The following ZNF525 variants were observed in gnomAD, a reference collection of about 807,000 sequenced individuals.
The protein encoded by ZNF525 is zinc finger protein 525.
ZNF525 carries 33 observed loss-of-function variants against 37.6 expected under a neutral mutation model. The ratio of observed to expected loss-of-function variants is 0.88; its 90% CI spans 0.67 to 1.17. The LOEUF (loss-of-function observed/expected upper bound fraction) is 1.17, where lower values mean the gene tolerates loss of function less well. Among genes scored for constraint, ZNF525 ranks in the 50% most tolerant of loss-of-function variants. The probability of loss-of-function intolerance (pLI) is 0.00; values close to 1 mark genes in which losing one functional copy is unlikely to be tolerated. For missense variants in ZNF525, 449 were observed against 543.1 expected (o/e 0.83, Z 1.72); for synonymous variants, 170 against 182.3 (o/e 0.93, Z 0.54).
intron 3 of ZNF525, among the ~76,000 whole-genome samples, 170 bp from the exon 4 acceptor site, chr19:53,380,552 G>T (rs1325896003): frequency 1.3e-5 from 2 of 152,108 alleles, no homozygotes; most frequent in Non-Finnish European, 2.9e-5. Flanking sequence ...TCAGTGTTTT[G>T]TCATGATATT....
At position 53,381,718 on chromosome 19, in the gene ZNF525, A is replaced by C. The variant is rs1178505987; in HGVS notation, c.1139A>C (p.Glu380Ala). 9.2e-7 allele frequency: 1 copy of C among 1,083,894 alleles called. No homozygotes were observed. The highest frequency in any genetic ancestry group is 1.5e-5 in the African/African-American group (1 of 65,162). The allele number at this position is 1,083,894 out of a possible 1,614,324, so 67.1% of individuals were successfully genotyped here. A position where few individuals can be genotyped will look rare whatever the true frequency, so the allele number is the denominator to read the frequency against. The change falls in exon 4 of 4, where the codon GAG becomes GCG. Residue 380 changes from glutamate (E) to alanine (A), a missense_variant. Around this residue, in one of 2 missense-constraint regions of ZNF525, gnomAD observed 178 missense variants for 161.5 expected, o/e 1.10. Coordinates refer to ENST00000474037, the MANE Select transcript of ZNF525 (RefSeq NM_001348156.2). ...AGTCATAGGATAACTCATACTGGAG[A>C]GAAACCATACAAGTGTAATGATTGT... is the stretch of plus-strand genomic sequence containing the variant. ...LESHRITHTGEKPYKCNDCGK... is the reference protein window; with the variant it reads ...LESHRITHTGAKPYKCNDCGK...
In ZNF525 at chr19:53,382,675, C is replaced by T; in HGVS notation, c.*656C>T. ...AATGTAATGATTGTCACCACGTCTT[C>T]AGTAATGCTACAACTATTGCAAATC... On this transcript the variant is annotated 3_prime_UTR_variant, in exon 4 of 4. Transcript: ENST00000474037. 1.4e-6 allele frequency: 1 copy of T among 731,318 alleles called. No homozygotes were observed. Among genetic ancestry groups the T allele is most frequent in the South Asian group, 1.4e-5 (1 of 72,708 alleles). The allele number at this position is 731,318 out of a possible 1,614,324, so 45.3% of individuals were successfully genotyped here. A position where few individuals can be genotyped will look rare whatever the true frequency, so the allele number is the denominator to read the frequency against.
At chr19:53,375,951 TTC>T (rs2147069106) in intron 3 of ZNF525, 55 bp downstream of exon 3, 13 of 1,611,270 alleles carry the variant, frequency 8.1e-6, no homozygotes, top group East Asian at 6.7e-5. Flanking sequence ...TCTTTGTATT[TTC>T]TCTTTTTTTA....
chr19:53,385,036 G>T lies in ZNF525; in HGVS notation c.*3017G>T. ...TTTCTCCATCTACTAAGGTGATGTG[G>T]TTTTAATCTTTCATTCTGTTCTAGT... On this transcript the variant is annotated 3_prime_UTR_variant, in exon 4 of 4. Coordinates refer to ENST00000474037, the MANE Select transcript of ZNF525 (RefSeq NM_001348156.2). 1.4e-6 allele frequency: 1 copy of T among 698,156 alleles called. No individual in the cohort carries two copies. The highest frequency in any genetic ancestry group is 2.6e-6 in the Non-Finnish European group (1 of 383,526). 43.2% of individuals were successfully genotyped at this position (698,156 alleles called of 1,614,324 possible).
In ZNF525 at chr19:53,382,798, T is replaced by C. The variant is rs1327873008; in HGVS notation, c.*779T>C. The C allele has an allele frequency of 8.6e-7, 1 of 1,164,620 alleles. No homozygotes were observed. Among genetic ancestry groups the C allele is most frequent in the African/African-American group, 1.5e-5 (1 of 65,568 alleles). 72.1% of individuals were successfully genotyped at this position (1,164,620 alleles called of 1,614,324 possible). A position where few individuals can be genotyped will look rare whatever the true frequency, so the allele number is the denominator to read the frequency against. ...ACCTTGCAGTTCACGGGCGAACTCA[T>C]GCTGGAGAGAAACCTTACAAATGTG... On this transcript the variant is annotated 3_prime_UTR_variant, in exon 4 of 4. Transcript: ENST00000474037.
Position 53,383,574 on chromosome 19 carries a change from A to T in ZNF525, c.*1555A>T. The T allele has an allele frequency of 6.9e-7, 1 of 1,452,576 alleles. No homozygotes were observed. The highest frequency in any genetic ancestry group is 9.3e-7 in the Non-Finnish European group (1 of 1,073,736). The allele number at this position is 1,452,576 out of a possible 1,614,324, so 90.0% of individuals were successfully genotyped here. On this transcript the variant is annotated 3_prime_UTR_variant, in exon 4 of 4. Coordinates refer to ENST00000474037, the MANE Select transcript of ZNF525 (RefSeq NM_001348156.2). ...ACTGGAGAGAAACCTTACAAGTGTA[A>T]TGAGTGTGTCAAAGCCTTTAGTGGG...
chr19:53,386,242 CAGA>C lies in ZNF525; in HGVS notation c.*4227_*4229del. 1 of 654,352 alleles carries C rather than the reference CAGA, an allele frequency of 1.5e-6. No homozygotes were observed. The highest frequency in any genetic ancestry group is 1.8e-5 in the Admixed American group (1 of 55,344). The allele number at this position is 654,352 out of a possible 1,614,324, so 40.5% of individuals were successfully genotyped here. ...GACTCTGCTTCTTGCCACATCTTCT[CAGA>C]AGACTTTCAGGATTAAGCGATTCCT... On this transcript the variant is annotated 3_prime_UTR_variant, in exon 4 of 4. Coordinates refer to ENST00000474037, the MANE Select transcript of ZNF525 (RefSeq NM_001348156.2).
Position 53,380,707 on chromosome 19 carries a change from G to A in ZNF525, c.143-15G>A, listed in dbSNP as rs2085552889. Reference sequence around the variant, plus strand: ...TATTGTCTTTTGTGTACCTATTAGTGTTTATATTTTGTAGGTATCTCTTCC... The same window carrying A: ...TATTGTCTTTTGTGTACCTATTAGTATTTATATTTTGTAGGTATCTCTTCC... On this transcript the variant is annotated splice_polypyrimidine_tract_variant and intron_variant, in intron 3 of 3. Coordinates refer to ENST00000474037, the MANE Select transcript of ZNF525 (RefSeq NM_001348156.2). The A allele has an allele frequency of 1.8e-6, 2 of 1,089,752 alleles. No individual in the cohort carries two copies. Among genetic ancestry groups the A allele is most frequent in the African/African-American group, 1.6e-5 (1 of 64,328 alleles). The allele number at this position is 1,089,752 out of a possible 1,614,324, so 67.5% of individuals were successfully genotyped here.
chr19:53,372,407 A>T lies in ZNF525; in HGVS notation c.15+111A>T, dbSNP rs184139637. ...CTTCCTGCCTGACAGGTTTGCTCAC[A>T]TTCACCCATGCCTTCCCTCAGTCCC... On this transcript the variant is annotated intron_variant, in intron 2 of 3. Transcript: ENST00000474037. The T allele has an allele frequency of 5.4e-6, 4 of 742,124 alleles. No homozygotes were observed. The East Asian group carries it at 9.8e-5, about 18-fold the overall frequency. The allele number at this position is 742,124 out of a possible 1,614,324, so 46.0% of individuals were successfully genotyped here. A position where few individuals can be genotyped will look rare whatever the true frequency, so the allele number is the denominator to read the frequency against.
intron 1 of ZNF525, among the ~76,000 whole-genome samples, chr19:53,370,264 C>T (rs1306987816): frequency 1.3e-5 from 2 of 150,710 alleles, no homozygotes; most frequent in African/African-American, 4.9e-5. Context: ...ACTAAAAATA[C>T]AAAAAATTAG....
intron 3 of ZNF525, among the ~76,000 whole-genome samples, chr19:53,379,012 T>C (rs1393629597): frequency 6.6e-6 from 1 of 152,204 alleles, no homozygotes; most frequent in East Asian, 1.9e-4. Context: ...GTGAACTAGA[T>C]ACATAGGGCA....
At chr19:53,379,017 AG>A (rs1324847377) in intron 3 of ZNF525, among the ~76,000 whole-genome samples, 1 of 152,222 alleles carries the variant, frequency 6.6e-6, no homozygotes, top group Non-Finnish European at 1.5e-5. Context: ...CTAGATACAT[AG>A]GGCAATGTAT....
At position 53,385,269 on chromosome 19, in the gene ZNF525, C is replaced by T; in HGVS notation, c.*3250C>T. On this transcript the variant is annotated 3_prime_UTR_variant, in exon 4 of 4. Coordinates refer to ENST00000474037, the MANE Select transcript of ZNF525 (RefSeq NM_001348156.2). ...TGCACCAAAATAAACTAGTGCTAGT[C>T]TGTTATAACATGTCTGAACAGGCTC... The T allele has an allele frequency of 2.5e-6, 1 of 407,008 alleles. No homozygotes were observed. Among genetic ancestry groups the T allele is most frequent in the Non-Finnish European group, 4.4e-6 (1 of 227,106 alleles). 25.2% of individuals were successfully genotyped at this position (407,008 alleles called of 1,614,324 possible). A position where few individuals can be genotyped will look rare whatever the true frequency, so the allele number is the denominator to read the frequency against.
chr19:53,370,544 A>G (rs1323072356), intron 1 of ZNF525, among the ~76,000 whole-genome samples: 1 of 152,154 alleles, frequency 6.6e-6, no homozygotes, highest in Admixed American at 6.5e-5. Flanking sequence ...GGGCTAGACC[A>G]GAAAAGCTCA....
In ZNF525 at chr19:53,385,221, T is replaced by C; in HGVS notation, c.*3202T>C. ...TGGAAAAATACATATTATGAGAAAA[T>C]TGTGCATGAATTTCACAATTTTTGC... On this transcript the variant is annotated 3_prime_UTR_variant, in exon 4 of 4. Transcript: ENST00000474037. 2.1e-6 allele frequency: 1 copy of C among 474,332 alleles called. No homozygotes were observed. The highest frequency in any genetic ancestry group is 3.0e-5 in the South Asian group (1 of 32,908). The allele number at this position is 474,332 out of a possible 1,614,324, so 29.4% of individuals were successfully genotyped here.
At position 53,382,468 on chromosome 19, in the gene ZNF525, C is replaced by T. The variant is rs956167843; in HGVS notation, c.*449C>T. On this transcript the variant is annotated 3_prime_UTR_variant, in exon 4 of 4. Coordinates refer to ENST00000474037, the MANE Select transcript of ZNF525 (RefSeq NM_001348156.2). ...CTTACACGCCATCATAGACTTCATA[C>T]TGGAAATAAATCTTATAAGTGTAAT... The T allele has an allele frequency of 4.8e-5, 35 of 733,444 alleles. 2 individuals carry two copies. Among genetic ancestry groups the T allele is most frequent in the Middle Eastern group, 4.9e-4 (2 of 4,046 alleles). 45.4% of individuals were successfully genotyped at this position (733,444 alleles called of 1,614,324 possible). A position where few individuals can be genotyped will look rare whatever the true frequency, so the allele number is the denominator to read the frequency against.
At chr19:53,366,798 A>T (rs79829149) in intron 1 of ZNF525, among the ~76,000 whole-genome samples, 13 of 139,560 alleles carry the variant, frequency 9.3e-5, no homozygotes, top group African/African-American at 2.3e-4. Context: ...GAGTGGGGAC[A>T]GGGGGTATAA....
In ZNF525 at chr19:53,382,695, C is replaced by G. The variant is rs953768233; in HGVS notation, c.*676C>G. On this transcript the variant is annotated 3_prime_UTR_variant, in exon 4 of 4. Coordinates refer to ENST00000474037, the MANE Select transcript of ZNF525 (RefSeq NM_001348156.2). Reference sequence around the variant, plus strand: ...GTCTTCAGTAATGCTACAACTATTGCAAATCATTGGAGAATCCATAATAAA... The same window carrying G: ...GTCTTCAGTAATGCTACAACTATTGGAAATCATTGGAGAATCCATAATAAA... 19 of 746,634 alleles carry G rather than the reference C, an allele frequency of 2.5e-5. No homozygotes were observed. The highest frequency in any genetic ancestry group is 4.4e-5 in the Non-Finnish European group (18 of 411,370). 46.3% of individuals were successfully genotyped at this position (746,634 alleles called of 1,614,324 possible). A position where few individuals can be genotyped will look rare whatever the true frequency, so the allele number is the denominator to read the frequency against.
intron 3 of ZNF525, chr19:53,376,223 C>T (rs1484827438): frequency 7.0e-6 from 5 of 711,372 alleles, no homozygotes; most frequent in African/African-American, 1.7e-5. Context: ...GGATTACAGG[C>T]GCCAACCCCC....
Sources: allele counts gnomAD v4.1 joint callset (sites outside exome capture counted in the v4.1 genomes callset), GRCh38; gene constraint gnomAD v4.1.1; regional missense constraint gnomAD v4.1.1; transcripts MANE v1.5; gene names NCBI Gene and HGNC (gene_info 2026-07-23, HGNC 2026-07-21).